Variants in TMEM260 observed in about 807,000 individuals in gnomAD.
TMEM260 encodes protein O-mannosyl-transferase TMEM260.
In TMEM260, 82 loss-of-function variants were observed where a neutral mutation model predicts 88.9. The ratio of observed to expected loss-of-function variants is 0.92; its 90% CI spans 0.77 to 1.11. The LOEUF is 1.11. TMEM260 is among the 50% of genes least tolerant of loss of function. The pLI is 0.00. For synonymous variants in TMEM260, 314 were observed against 309.3 expected (o/e 1.02, Z -0.16); for missense variants, 902 against 853.4 (o/e 1.06, Z -0.71).
At chr14:56,592,688 T>C (rs985995401) in intron 3 of TMEM260, among the ~76,000 whole-genome samples, 4 of 152,206 alleles carry the variant, frequency 2.6e-5, no homozygotes, top group African/African-American at 4.8e-5. Context: ...TCCTCCTTTA[T>C]CATACTTCTT....
intron 13 of TMEM260, among the ~76,000 whole-genome samples, chr14:56,633,996 T>C (rs1433706466): frequency 6.6e-6 from 1 of 152,224 alleles, no homozygotes; most frequent in Admixed American, 6.5e-5. Context: ...CAGCCAGAGA[T>C]GGATGATCAA....
At chr14:56,612,158 G>T in intron 6 of TMEM260, 87 bp from the exon 7 acceptor site, 1 of 1,322,216 alleles carries the variant, frequency 7.6e-7, no homozygotes, top group Non-Finnish European at 1.1e-6. Context: ...AAGAAAACCC[G>T]AATCTTTTAA....
Position 56,636,596 on chromosome 14 carries a change from G to C in TMEM260, c.1867G>C (p.Asp623His). Reference protein sequence around the residue: ...VKAQLYAQAYDLYKEIVYLQK... With the variant: ...VKAQLYAQAYHLYKEIVYLQK... ...AGCTCAACTCTACGCTCAAGCATATGACGTATGTTACACTTTTATATGTAG... is the reference window on the plus strand; with the variant it reads ...AGCTCAACTCTACGCTCAAGCATATCACGTATGTTACACTTTTATATGTAG... Residue 623 changes from aspartate to histidine, a missense_variant and splice_region_variant, in exon 15 of 16, where the codon GAC becomes CAC. Physicochemically the swap from Asp to His is moderately conservative, Grantham distance 81. Transcript: ENST00000261556. 3 of 1,613,400 alleles carry C rather than the reference G, an allele frequency of 1.9e-6. No homozygotes were observed. The highest frequency in any genetic ancestry group is 2.5e-6 in the Non-Finnish European group (3 of 1,179,396).
intron 12 of TMEM260, among the ~76,000 whole-genome samples, chr14:56,626,182 A>C (rs3783684): frequency 0.28 from 42,842 of 152,100 alleles, 7,036 homozygotes; most frequent in Non-Finnish European, 0.39. Flanking sequence ...AGAAGACTTC[A>C]GAATGTCTTT....
At position 56,618,730 on chromosome 14, in the gene TMEM260, T is replaced by G. The variant is rs746018532; in HGVS notation, c.1193T>G (p.Leu398Arg). Reference sequence around the variant, plus strand: ...TGTCTGGAATGGCTTTCTGCAACTCTTTTTGTAGTTTACCAAATATATTCT... The same window carrying G: ...TGTCTGGAATGGCTTTCTGCAACTCGTTTTGTAGTTTACCAAATATATTCT... ...LQCLEWLSAT[L>R]FVVYQIYSNY... Residue 398 changes from leucine (L) to arginine (R), a missense_variant, in exon 10 of 16, where the codon CTT becomes CGT. Leu to Arg is a moderately radical substitution (Grantham distance 102). Transcript: ENST00000261556. 4.3e-6 allele frequency: 7 copies of G among 1,614,182 alleles called. No homozygotes were observed. Among genetic ancestry groups the G allele is most frequent in the Non-Finnish European group, 5.1e-6 (6 of 1,180,014 alleles).
At chr14:56,653,193 A>G (rs1286925463), downstream of TMEM260, among the ~76,000 whole-genome samples, 1 of 151,774 alleles carries the variant, frequency 6.6e-6, no homozygotes, top group African/African-American at 2.4e-5. Flanking sequence ...ACAGAGCAAG[A>G]CTCTGTTTCA....
intron 4 of TMEM260, 107 bp downstream of exon 4, chr14:56,604,099 C>A: frequency 9.2e-7 from 1 of 1,092,582 alleles, no homozygotes; most frequent in Non-Finnish European, 1.3e-6. Flanking sequence ...TGATTACAGT[C>A]GGGATAATCT....
the TMEM260 span, among the ~76,000 whole-genome samples, chr14:56,660,446 C>T: frequency 5.9e-5 from 9 of 152,170 alleles, no homozygotes; most frequent in Non-Finnish European, 1.2e-4. Flanking sequence ...AAAATTCAAA[C>T]TTTCCAGGCT....
chr14:56,610,894 A>G (rs1240831414), intron 6 of TMEM260, among the ~76,000 whole-genome samples: 2 of 152,044 alleles, frequency 1.3e-5, no homozygotes, highest in Admixed American at 1.3e-4. Context: ...TAATTTATTA[A>G]CATGTAAATC....
At chr14:56,636,661 A>G (rs17091864) in intron 15 of TMEM260, 63 bp downstream of exon 15, 40,030 of 1,376,874 alleles carry the variant, frequency 0.029, 932 homozygotes, top group East Asian at 0.083. Flanking sequence ...GTGATTGTTC[A>G]GAATGGATAG....
At chr14:56,624,109 G>T (rs188367221) in intron 11 of TMEM260, among the ~76,000 whole-genome samples, 2 of 152,118 alleles carry the variant, frequency 1.3e-5, no homozygotes, top group East Asian at 1.9e-4. Flanking sequence ...TGCCAAAAGA[G>T]TTTTTAACTT....
Position 56,621,432 on chromosome 14 carries a change from T to C in TMEM260, c.1227-99T>C. 6.1e-6 allele frequency: 5 copies of C among 825,330 alleles called. No homozygotes were observed. In the East Asian group the frequency reaches 1.3e-4, roughly 21 times the overall value. 51.1% of individuals were successfully genotyped at this position (825,330 alleles called of 1,614,324 possible). A position where few individuals can be genotyped will look rare whatever the true frequency, so the allele number is the denominator to read the frequency against. ...AATGTATTGAAACACTAAATGTTGA[T>C]TGTATGATGGGAAAAGAATGGCATA... On this transcript the variant is annotated intron_variant, in intron 10 of 15. Coordinates refer to ENST00000261556, the MANE Select transcript of TMEM260 (RefSeq NM_017799.4).
chr14:56,612,408 C>G, intron 7 of TMEM260, 123 bp downstream of exon 7: 1 of 801,708 alleles, frequency 1.2e-6, no homozygotes, highest in Non-Finnish European at 2.1e-6. Context: ...GTTGTTACCT[C>G]TACAGTTAAC....
At chr14:56,640,602 G>A (rs543000758) in intron 15 of TMEM260, among the ~76,000 whole-genome samples, 6 of 152,212 alleles carry the variant, frequency 3.9e-5, no homozygotes, top group African/African-American at 1.4e-4. Flanking sequence ...CTCCTCCAAA[G>A]GAGCACAGCT....
In TMEM260 at chr14:56,636,446, G is replaced by A. The variant is rs1166046788; in HGVS notation, c.1779-62G>A. On this transcript the variant is annotated intron_variant, in intron 14 of 15. Transcript: ENST00000261556. ...TCAGTGGAGAAGCCTGGAAGATTTA[G>A]CTAGCCCTGAATGTGCAATTGACTG... 3.8e-6 allele frequency: 5 copies of A among 1,325,616 alleles called. No homozygotes were observed. The Admixed American group carries it at 8.4e-5, about 22-fold the overall frequency. The allele number at this position is 1,325,616 out of a possible 1,614,324, so 82.1% of individuals were successfully genotyped here.
chr14:56,661,500 C>T, the TMEM260 span, among the ~76,000 whole-genome samples: 7 of 104,958 alleles, frequency 6.7e-5, no homozygotes, highest in African/African-American at 2.6e-4. Context: ...AAAGAAAAAG[C>T]AAGAAAGAAG....
intron 13 of TMEM260, 138 bp downstream of exon 13, chr14:56,633,309 C>A: frequency 1.6e-6 from 1 of 619,122 alleles, no homozygotes; most frequent in South Asian, 2.3e-5. Context: ...CACAAAATAC[C>A]ATAAAACAAC....
intron 12 of TMEM260, among the ~76,000 whole-genome samples, chr14:56,631,652 G>A (rs546195176): frequency 3.3e-5 from 5 of 151,530 alleles, no homozygotes; most frequent in Admixed American, 2.0e-4. Context: ...ACTGTGCAGT[G>A]TGTTTACTGG....
intron 12 of TMEM260, among the ~76,000 whole-genome samples, chr14:56,631,629 A>AAC (rs35306469): frequency 0.37 from 55,611 of 150,904 alleles, 10,499 homozygotes; most frequent in Non-Finnish European, 0.4. Context: ...TCTCAAAAAA[A>AAC]AAAAAAAAAG....
Sources: gnomAD v4.1 joint callset for allele counts (sites outside exome capture counted in the v4.1 genomes callset) on GRCh38, gnomAD v4.1.1 for gene constraint, MANE v1.5 for transcripts, NCBI Gene and HGNC (gene_info 2026-07-23, HGNC 2026-07-21) for gene names.